Variants in DAB2 observed in about 807,000 individuals in gnomAD.
DAB2 encodes DAB adaptor protein 2, also known as disabled homolog 2.
Under a neutral mutation model 71.6 loss-of-function variants are expected in DAB2, and 28 were observed. That is an observed-to-expected ratio of 0.39 (90% CI 0.29 to 0.54). The LOEUF is 0.54. Among genes scored for constraint, DAB2 ranks in the 20% least tolerant of loss-of-function variants. DAB2 has a pLI of 0.68. For synonymous variants in DAB2, 345 were observed against 339.7 expected (o/e 1.02, Z -0.17); for missense variants, 867 against 928.8 (o/e 0.93, Z 0.86).
At chr5:39,391,244 T>C (rs1256236319) in intron 4 of DAB2, among the ~76,000 whole-genome samples, 1 of 152,142 alleles carries the variant, frequency 6.6e-6, no homozygotes, top group Non-Finnish European at 1.5e-5. Context: ...CCCTCCTTTT[T>C]CTTGATCCTT....
chr5:39,419,731 T>A (rs926084649), intron 1 of DAB2, among the ~76,000 whole-genome samples: 23 of 152,208 alleles, frequency 1.5e-4, no homozygotes, highest in Non-Finnish European at 2.9e-5. Context: ...AGATTAATTA[T>A]ACTCTTTAAA....
At position 39,382,935 on chromosome 5, in the gene DAB2, A is replaced by G. The variant is rs767671016; in HGVS notation, c.1024T>C (p.Tyr342His). 1.2e-6 allele frequency: 2 copies of G among 1,614,172 alleles called. No individual in the cohort carries two copies. The highest frequency in any genetic ancestry group is 1.7e-6 in the Non-Finnish European group (2 of 1,180,030). Residue 342 changes from tyrosine (Y) to histidine (H), a missense_variant, in exon 10 of 15, where the codon TAC (tyrosine) becomes CAC (histidine). Transcript: ENST00000320816. ...ATCTGGTCAAATTGCTGACCAAAGT[A>G]GTCAACATCACCATTCAGGGGCCCA... ...SNGPLNGDVDYFGQQFDQISN... is the reference protein window; with the variant it reads ...SNGPLNGDVDHFGQQFDQISN...
At chr5:39,418,917 A>T (rs568122836) in intron 1 of DAB2, among the ~76,000 whole-genome samples, 1 of 152,212 alleles carries the variant, frequency 6.6e-6, no homozygotes, top group Non-Finnish European at 1.5e-5. Context: ...CATTTTCCTG[A>T]TGGAGAAATG....
chr5:39,376,227 A>G (rs1754825094), intron 12 of DAB2, 121 bp from the exon 13 acceptor site: 1 of 699,206 alleles, frequency 1.4e-6, no homozygotes, highest in Admixed American at 2.8e-5. Context: ...CAGTGGAACA[A>G]AAATCAACAC....
chr5:39,383,139 A>T lies in DAB2; in HGVS notation c.820T>A (p.Phe274Ile). The T allele has an allele frequency of 6.2e-7, 1 of 1,614,178 alleles. No individual in the cohort carries two copies. The highest frequency in any genetic ancestry group is 8.5e-7 in the Non-Finnish European group (1 of 1,180,028). Residue 274 changes from phenylalanine (F) to isoleucine (I), a missense_variant, in exon 10 of 15, where the codon TTC becomes ATC. This residue lies in a region of DAB2 where 740 missense variants were observed against 734.3 expected (regional missense o/e 1.01). Coordinates refer to ENST00000320816, the MANE Select transcript of DAB2 (RefSeq NM_001343.4). ...GCAGAAAAGGCATTTTCAGGCAAGA[A>T]GGATGCCTGAGGCGTTGGTCGAGGA... ...SLPRPTPQAS[F>I]LPENAFSANL...
intron 6 of DAB2, 63 bp downstream of exon 6, chr5:39,389,789 G>C (rs757687418): frequency 1.1e-6 from 1 of 925,964 alleles, no homozygotes; most frequent in East Asian, 2.7e-5. Context: ...TGGGATTATA[G>C]GTGTGAGCCA....
intron 5 of DAB2, 106 bp downstream of exon 5, chr5:39,390,338 C>A: frequency 7.5e-7 from 1 of 1,333,660 alleles, no homozygotes; most frequent in Non-Finnish European, 1.0e-6. Context: ...TATTATTTAG[C>A]CCTCTTACAT....
chr5:39,375,032 T>C lies in DAB2; in HGVS notation c.2300A>G (p.Asn767Ser). The C allele has an allele frequency of 6.2e-7, 1 of 1,611,336 alleles. No homozygotes were observed. Among genetic ancestry groups the C allele is most frequent in the Non-Finnish European group, 8.5e-7 (1 of 1,178,212 alleles). ...SSEMYRDPFG[N>S]PFA ...TACTTACAGAATTTAGGCAAAAGGA[T>C]TTCCAAATGGATCCCTATACATCTC... is the stretch of plus-strand genomic sequence containing the variant. The change falls in exon 14 of 15, where the codon AAT (asparagine) becomes AGT (serine). Residue 767 changes from asparagine to serine, a missense_variant. Asn to Ser is a conservative substitution (Grantham distance 46). Around this residue, in one of 2 missense-constraint regions of DAB2, gnomAD observed 740 missense variants for 734.3 expected, o/e 1.01. Transcript: ENST00000320816.
At chr5:39,400,548 T>C (rs1490635249) in intron 1 of DAB2, among the ~76,000 whole-genome samples, 3 of 152,170 alleles carry the variant, frequency 2.0e-5, no homozygotes, top group Admixed American at 2.0e-4. Context: ...GTCTCTATTT[T>C]ATGAATAATG....
intron 1 of DAB2, among the ~76,000 whole-genome samples, chr5:39,397,561 T>C (rs1226126018): frequency 2.0e-5 from 3 of 152,188 alleles, no homozygotes; most frequent in African/African-American, 4.8e-5. Flanking sequence ...AAGCCTGATT[T>C]TGGAAGCTAA....
intron 1 of DAB2, chr5:39,408,514 G>T (rs1171594117): frequency 1.3e-5 from 2 of 152,092 alleles, no homozygotes; most frequent in African/African-American, 4.8e-5. Flanking sequence ...AGGAATATTG[G>T]TGGCCTTGCT....
intron 1 of DAB2, among the ~76,000 whole-genome samples, chr5:39,415,359 T>G (rs1755823730): frequency 6.6e-6 from 1 of 152,222 alleles, no homozygotes; most frequent in East Asian, 1.9e-4. Flanking sequence ...TATCATAAGA[T>G]CCAAAGTTCT....
chr5:39,388,806 A>G lies in DAB2; in HGVS notation c.617T>C (p.Leu206Pro), dbSNP rs142458969. Reference protein sequence around the residue: ...LMILDDQTNKLKSGVDQMDLF... With the variant: ...LMILDDQTNKPKSGVDQMDLF... ...TCACATATTAATACATACCGATTTCAGTTTGTTAGTTTGGTCATCTAGAAT... is the reference window on the plus strand; with the variant it reads ...TCACATATTAATACATACCGATTTCGGTTTGTTAGTTTGGTCATCTAGAAT... Residue 206 changes from leucine (L) to proline (P), a missense_variant, in exon 8 of 15, where the codon CTG becomes CCG. Around this residue, in one of 2 missense-constraint regions of DAB2, gnomAD observed 740 missense variants for 734.3 expected, o/e 1.01. Transcript: ENST00000320816. The G allele has an allele frequency of 8.1e-5, 131 of 1,612,656 alleles. No individual in the cohort carries two copies. Among genetic ancestry groups the G allele is most frequent in the Non-Finnish European group, 1.1e-4 (125 of 1,178,858 alleles).
intron 9 of DAB2, 58 bp from the exon 10 acceptor site, chr5:39,383,329 G>T: frequency 7.6e-7 from 1 of 1,312,848 alleles, no homozygotes; most frequent in Non-Finnish European, 1.0e-6. Flanking sequence ...GACTTCAAAT[G>T]AGAAAATTAC....
At chr5:39,403,796 C>T (rs1337201911) in intron 1 of DAB2, among the ~76,000 whole-genome samples, 1 of 148,618 alleles carries the variant, frequency 6.7e-6, no homozygotes, top group African/African-American at 2.5e-5. Flanking sequence ...CTCATTATAA[C>T]CCATCCTAAT....
In DAB2 at chr5:39,381,435, T is replaced by G. The variant is rs770682863; in HGVS notation, c.1504+19A>C. 1 of 1,607,358 alleles carries G rather than the reference T, an allele frequency of 6.2e-7. No homozygotes were observed. The highest frequency in any genetic ancestry group is 1.3e-5 in the African/African-American group (1 of 74,728). On this transcript the variant is annotated intron_variant, in intron 11 of 14. Transcript: ENST00000320816. ...CAAAAGCAAAAGAGTCATACTTAAT[T>G]TTATCTCTAGGCACCTACCTAGACC...
intron 1 of DAB2, among the ~76,000 whole-genome samples, chr5:39,415,289 G>C (rs1329749421): frequency 1.3e-5 from 2 of 152,080 alleles, no homozygotes; most frequent in Non-Finnish European, 2.9e-5. Flanking sequence ...AGTAACAGAA[G>C]GAAGCAATTC....
chr5:39,393,185 G>A (rs1755277322), intron 3 of DAB2, 69 bp downstream of exon 3: 1 of 1,498,826 alleles, frequency 6.7e-7, no homozygotes, highest in South Asian at 1.2e-5. Context: ...GTCAACAAGA[G>A]CTTCTAATAT....
At chr5:39,375,444 G>A (rs1754803381) in intron 13 of DAB2, among the ~76,000 whole-genome samples, 1 of 152,198 alleles carries the variant, frequency 6.6e-6, no homozygotes, top group Non-Finnish European at 1.5e-5. Context: ...GGTTAAGTGA[G>A]ATATGAAGGA....
Sources: gnomAD v4.1 joint callset for allele counts (sites outside exome capture counted in the v4.1 genomes callset) on GRCh38, gnomAD v4.1.1 for gene constraint, gnomAD v4.1.1 regional missense constraint, MANE v1.5 for transcripts, NCBI Gene and HGNC (gene_info 2026-07-23, HGNC 2026-07-21) for gene names.